SYNPO2: variants seen among roughly 807,000 people sequenced by gnomAD.
SYNPO2 encodes the protein synaptopodin 2.
Under a neutral mutation model 85.0 loss-of-function variants are expected in SYNPO2, and 56 were observed. That is an observed-to-expected ratio of 0.66 (90% CI 0.53 to 0.82). The LOEUF (loss-of-function observed/expected upper bound fraction) is 0.82. Among genes scored for constraint, SYNPO2 ranks in the 40% least tolerant of loss-of-function variants. The pLI, the probability that SYNPO2 is intolerant of heterozygous loss-of-function variation, is 0.00. For synonymous variants in SYNPO2, 602 were observed against 591.1 expected, an observed-to-expected ratio of 1.02 and a Z score of -0.27; for missense variants, 1,575 against 1,534.2, an observed-to-expected ratio of 1.03 and a Z score of -0.44.
At chr4:118,861,060 T>C (rs1021783797) in intron 1 of SYNPO2, among the ~76,000 whole-genome samples, 1 of 152,226 alleles carries the variant, frequency 6.6e-6, no homozygotes, top group African/African-American at 2.4e-5. Context: ...TCTATTTTTG[T>C]TTTGGTTGCC....
chr4:118,918,118 C>T (rs1733413265), intron 1 of SYNPO2, among the ~76,000 whole-genome samples: 1 of 152,068 alleles, frequency 6.6e-6, no homozygotes, highest in Non-Finnish European at 1.5e-5. Flanking sequence ...AAATTCTTTG[C>T]CATACAAATT....
intron 1 of SYNPO2, among the ~76,000 whole-genome samples, chr4:118,852,475 C>T (rs951479741): frequency 6.6e-6 from 1 of 152,172 alleles, no homozygotes; most frequent in Admixed American, 6.5e-5. Flanking sequence ...AACCTAAATG[C>T]CCATCAGTGA....
chr4:118,982,022 G>A (rs1736029643), intron 1 of SYNPO2, among the ~76,000 whole-genome samples: 1 of 152,166 alleles, frequency 6.6e-6, no homozygotes. Context: ...ATAACCTAAG[G>A]AGGAAATATG....
At chr4:118,946,834 C>A (rs527774337) in intron 1 of SYNPO2, among the ~76,000 whole-genome samples, 3 of 152,190 alleles carry the variant, frequency 2.0e-5, no homozygotes, top group East Asian at 3.9e-4. Context: ...GAATGCTATG[C>A]GTGTTTTAAG....
chr4:118,888,579 T>C (rs960748206), upstream of SYNPO2, among the ~76,000 whole-genome samples: 6 of 152,222 alleles, frequency 3.9e-5, no homozygotes, highest in Admixed American at 3.9e-4. Flanking sequence ...TAAACCTTCA[T>C]GTGTCCTTTA....
intron 1 of SYNPO2, among the ~76,000 whole-genome samples, chr4:118,980,516 C>T (rs992303452): frequency 2.6e-5 from 4 of 152,080 alleles, no homozygotes; most frequent in Non-Finnish European, 5.9e-5. Flanking sequence ...CCCCCTTCCC[C>T]AGCACACACC....
chr4:118,935,859 T>G (rs1248701041), intron 1 of SYNPO2, among the ~76,000 whole-genome samples: 3 of 152,224 alleles, frequency 2.0e-5, no homozygotes, highest in Non-Finnish European at 4.4e-5. Flanking sequence ...TAAGTGGAAG[T>G]GAATCATTAC....
At chr4:118,970,400 T>C (rs10004234) in intron 1 of SYNPO2, among the ~76,000 whole-genome samples, 3,365 of 152,306 alleles carry the variant, frequency 0.022, 119 homozygotes, top group African/African-American at 0.078. Context: ...TCAAGATCTA[T>C]GACACAGTCA....
chr4:118,910,194 A>G (rs1206227656), intron 1 of SYNPO2, among the ~76,000 whole-genome samples: 2 of 152,200 alleles, frequency 1.3e-5, no homozygotes, highest in African/African-American at 2.4e-5. Flanking sequence ...TTCCAGGTGC[A>G]GAGTTTGACA....
chr4:118,949,598 A>G (rs1734627856), intron 1 of SYNPO2, among the ~76,000 whole-genome samples: 1 of 151,684 alleles, frequency 6.6e-6, no homozygotes, highest in Non-Finnish European at 1.5e-5. Flanking sequence ...AAAAAACAAA[A>G]ATTAGCTGGG....
rs1256291226 is a variant in SYNPO2 at position 118,893,687 on chromosome 4, C to T, written c.105+4546C>T. On this transcript the variant is annotated intron_variant, in intron 1 of 4. Coordinates refer to ENST00000307142, the MANE Select transcript of SYNPO2 (RefSeq NM_133477.3). The stretch of plus-strand genomic sequence containing the variant: ...TTATTGGTCTGGGGTTCACCCTGGA[C>T]ATCAGGATTTATAAACATTCCAAAG... Among the ~76,000 whole-genome samples the T allele has an allele frequency of 5.3e-5, 8 of 152,250 alleles. No individual in the cohort carries two copies. In the East Asian group the frequency reaches 1.5e-3, roughly 29 times the overall value.
intron 1 of SYNPO2, among the ~76,000 whole-genome samples, chr4:118,925,819 C>T (rs577645916): frequency 2.0e-4 from 30 of 149,086 alleles, no homozygotes; most frequent in East Asian, 7.8e-4. Flanking sequence ...TAATTCTGCT[C>T]GGTGAGTTTG....
chr4:119,052,113 G>T (rs1288668485), intron 4 of SYNPO2, among the ~76,000 whole-genome samples: 1 of 152,180 alleles, frequency 6.6e-6, no homozygotes, highest in Non-Finnish European at 1.5e-5. Flanking sequence ...GGGTCTGAGT[G>T]CCACTCAGGA....
intron 1 of SYNPO2, among the ~76,000 whole-genome samples, chr4:118,935,660 G>A (rs1010795061): frequency 1.1e-4 from 16 of 152,332 alleles, no homozygotes; most frequent in Admixed American, 5.2e-4. Flanking sequence ...TAAAATGTGC[G>A]TATAACTTTT....
intron 1 of SYNPO2, among the ~76,000 whole-genome samples, chr4:118,869,142 C>T (rs1468693854): frequency 2.6e-5 from 4 of 152,146 alleles, no homozygotes; most frequent in South Asian, 2.1e-4. Flanking sequence ...CGGCAACCTC[C>T]ACCTCCCAGG....
intron 1 of SYNPO2, among the ~76,000 whole-genome samples, chr4:118,891,954 A>G (rs1330458471): frequency 6.6e-6 from 1 of 152,222 alleles, no homozygotes. Flanking sequence ...TGAAATATCT[A>G]CATATTTAGG....
At chr4:118,891,064 A>G (rs1732363731) in intron 1 of SYNPO2, among the ~76,000 whole-genome samples, 1 of 152,084 alleles carries the variant, frequency 6.6e-6, no homozygotes, top group Non-Finnish European at 1.5e-5. Context: ...GCAGATTGCT[A>G]GGAAAGGGTG....
chr4:118,953,431 A>G (rs1734763286), intron 1 of SYNPO2, among the ~76,000 whole-genome samples: 1 of 152,132 alleles, frequency 6.6e-6, no homozygotes, highest in Non-Finnish European at 1.5e-5. Flanking sequence ...TGTATCCCCC[A>G]TTGCCCAGTG....
intron 1 of SYNPO2, among the ~76,000 whole-genome samples, chr4:118,987,903 A>G (rs1415174367): frequency 6.6e-6 from 1 of 152,174 alleles, no homozygotes; most frequent in East Asian, 1.9e-4. Flanking sequence ...CTTACAGAAA[A>G]GGAAAGGGAC....
Sources: allele counts gnomAD v4.1 joint callset (sites outside exome capture counted in the v4.1 genomes callset), GRCh38; gene constraint gnomAD v4.1.1; transcripts MANE v1.5; gene names NCBI Gene and HGNC (gene_info 2026-07-23, HGNC 2026-07-21).